The following OTUD7A variants were observed in gnomAD, a reference collection of about 807,000 sequenced individuals.
OTUD7A encodes the protein OTU domain-containing protein 7A.
In OTUD7A, 12 loss-of-function variants were observed where a neutral mutation model predicts 65.7. The ratio of observed to expected loss-of-function variants is 0.18; its 90% CI spans 0.12 to 0.30. The LOEUF (loss-of-function observed/expected upper bound fraction) is 0.30. Ranked by LOEUF, OTUD7A falls within the 10% of genes least tolerant of loss-of-function variation. OTUD7A has a pLI of 1.00. For synonymous variants in OTUD7A, 641 were observed against 586.3 expected, an observed-to-expected ratio of 1.09 and a Z score of -1.35; for missense variants, 1,148 against 1,304.8, an observed-to-expected ratio of 0.88 and a Z score of 1.85.
At chr15:31,838,657 AC>A (rs5811666) in intron 1 of OTUD7A, among the ~76,000 whole-genome samples, 88,432 of 144,702 alleles carry the variant, frequency 0.61, 27,014 homozygotes, top group East Asian at 0.69. Flanking sequence ...GATCTCAAAG[AC>A]CCCCCCCCAC....
chr15:31,486,709 G>A, intron 12 of OTUD7A, among the ~76,000 whole-genome samples: 1 of 152,244 alleles, frequency 6.6e-6, no homozygotes, highest in East Asian at 1.9e-4. Flanking sequence ...GGGAGGAAGG[G>A]GGCGCCGAGG....
intron 3 of OTUD7A, among the ~76,000 whole-genome samples, chr15:31,587,385 C>T (rs1889575891): frequency 6.6e-6 from 1 of 152,050 alleles, no homozygotes; most frequent in Non-Finnish European, 1.5e-5. Flanking sequence ...CGCCTGTAAT[C>T]CCAGCACTCT....
At chr15:31,786,027 TGGGAG>T (rs1345171573) in intron 1 of OTUD7A, among the ~76,000 whole-genome samples, 1 of 151,994 alleles carries the variant, frequency 6.6e-6, no homozygotes, top group Non-Finnish European at 1.5e-5. Flanking sequence ...TGGGTTATCA[TGGGAG>T]GGGAAATCAT....
rs370942534 is a variant in OTUD7A, at chr15:31,687,169, C to G, written c.-99-30092G>C. 3.3e-5 allele frequency among the ~76,000 whole-genome samples: 5 copies of G among 150,914 alleles called. No individual in the cohort carries two copies. The East Asian group carries it at 5.9e-4, about 18-fold the overall frequency. ...GCCCAATTGGTTACTGACTGAAAGGCAAACCGACAACAGACTAGGGAGGTT... is the reference window on the plus strand; with the variant it reads ...GCCCAATTGGTTACTGACTGAAAGGGAAACCGACAACAGACTAGGGAGGTT... On this transcript the variant is annotated intron_variant, in intron 1 of 12. Coordinates refer to ENST00000307050, the MANE Select transcript of OTUD7A (RefSeq NM_001382637.1).
intron 1 of OTUD7A, among the ~76,000 whole-genome samples, chr15:31,675,912 G>A (rs1892585563): frequency 6.6e-6 from 1 of 152,162 alleles, no homozygotes; most frequent in African/African-American, 2.4e-5. Context: ...TTCAATAAAT[G>A]GATGGGAAGA....
At chr15:31,737,974 C>A (rs1271372703) in intron 1 of OTUD7A, among the ~76,000 whole-genome samples, 1 of 152,132 alleles carries the variant, frequency 6.6e-6, no homozygotes, top group South Asian at 2.1e-4. Flanking sequence ...GTAGTTTGTA[C>A]ATAGTATCTG....
At chr15:31,810,976 C>T (rs1427810553) in intron 1 of OTUD7A, among the ~76,000 whole-genome samples, 5 of 152,174 alleles carry the variant, frequency 3.3e-5, no homozygotes, top group Non-Finnish European at 5.9e-5. Flanking sequence ...GCCACTGCAG[C>T]CTGTATTGTG....
At chr15:31,832,695 T>A (rs1451634873) in intron 1 of OTUD7A, among the ~76,000 whole-genome samples, 1 of 152,194 alleles carries the variant, frequency 6.6e-6, no homozygotes, top group African/African-American at 2.4e-5. Flanking sequence ...TGGAATCATT[T>A]AGTATGTGTT....
intron 1 of OTUD7A, among the ~76,000 whole-genome samples, chr15:31,710,138 C>T (rs1169424716): frequency 6.6e-6 from 1 of 151,388 alleles, no homozygotes; most frequent in Non-Finnish European, 1.5e-5. Context: ...TGTTATCAGT[C>T]ACAGCCATGA....
intron 1 of OTUD7A, among the ~76,000 whole-genome samples, chr15:31,832,890 C>T (rs1896970199): frequency 6.6e-6 from 1 of 152,206 alleles, no homozygotes; most frequent in Non-Finnish European, 1.5e-5. Flanking sequence ...GCTACTGCTG[C>T]TATAAACACG....
At chr15:31,535,770 G>A (rs934821927) in intron 5 of OTUD7A, among the ~76,000 whole-genome samples, 1 of 150,040 alleles carries the variant, frequency 6.7e-6, no homozygotes, top group African/African-American at 2.4e-5. Flanking sequence ...TCCACCTCCT[G>A]GGTTCATGCC....
intron 1 of OTUD7A, among the ~76,000 whole-genome samples, chr15:31,811,295 T>G (rs986477480): frequency 6.6e-6 from 1 of 151,808 alleles, no homozygotes; most frequent in African/African-American, 2.4e-5. Flanking sequence ...TTTGGTTGAT[T>G]TGATGTGTGT....
intron 3 of OTUD7A, among the ~76,000 whole-genome samples, chr15:31,597,501 A>G (rs1387292789): frequency 6.6e-6 from 1 of 150,734 alleles, no homozygotes. Context: ...ATACCATTTT[A>G]CAGTTGTTTC....
chr15:31,750,233 G>T (rs994361402), intron 1 of OTUD7A, among the ~76,000 whole-genome samples: 1 of 151,646 alleles, frequency 6.6e-6, no homozygotes, highest in Admixed American at 6.6e-5. Context: ...CATGGTGAAA[G>T]CCTGTCTCTA....
At position 31,808,136 on chromosome 15, in the gene OTUD7A, C is replaced by CACACACACACAA. The variant is rs772574742; in HGVS notation, c.-100+62370_-100+62371insTTGTGTGTGTGT. ...ACACACACACACACACACACACACA[C>CACACACACACAA]AAACAAATCCTCACCAGGTTTTTCC... On this transcript the variant is annotated intron_variant, in intron 1 of 12. Coordinates refer to ENST00000307050, the MANE Select transcript of OTUD7A (RefSeq NM_001382637.1). Among the ~76,000 whole-genome samples, 603 of 119,472 alleles carry CACACACACACAA rather than the reference C, an allele frequency of 5.0e-3. 7 individuals are homozygous for CACACACACACAA. Among genetic ancestry groups the CACACACACACAA allele is most frequent in the Non-Finnish European group, 7.4e-3 (388 of 52,208 alleles). 78.4% of individuals were successfully genotyped at this position (119,472 alleles called of 152,430 possible).
chr15:31,698,258 G>C (rs891362635), intron 1 of OTUD7A, among the ~76,000 whole-genome samples: 1 of 152,170 alleles, frequency 6.6e-6, no homozygotes, highest in Admixed American at 6.5e-5. Flanking sequence ...CTAATACCCT[G>C]GCATTTATCC....
At chr15:31,736,776 A>G (rs1263185873) in intron 1 of OTUD7A, among the ~76,000 whole-genome samples, 1 of 151,124 alleles carries the variant, frequency 6.6e-6, no homozygotes, top group Non-Finnish European at 1.5e-5. Context: ...ATATATTCAA[A>G]TATTTGTATG....
intron 8 of OTUD7A, among the ~76,000 whole-genome samples, chr15:31,524,589 C>T: frequency 6.6e-6 from 1 of 151,674 alleles, no homozygotes. Flanking sequence ...CCACCCATAC[C>T]TTCCTGCCTC....
At chr15:31,761,248 A>G (rs970418403) in intron 1 of OTUD7A, among the ~76,000 whole-genome samples, 7 of 152,306 alleles carry the variant, frequency 4.6e-5, no homozygotes, top group Admixed American at 3.3e-4. Context: ...ATGGAAAGGC[A>G]ACCTACAGAA....
Sources: gnomAD v4.1 joint callset for allele counts (sites outside exome capture counted in the v4.1 genomes callset) on GRCh38, gnomAD v4.1.1 for gene constraint, MANE v1.5 for transcripts, NCBI Gene and HGNC (gene_info 2026-07-23, HGNC 2026-07-21) for gene names.